The following DLG2 variants were observed in gnomAD, a reference collection of about 807,000 sequenced individuals.
DLG2 encodes the protein disks large homolog 2.
DLG2 carries 45 observed loss-of-function variants against 132.5 expected under a neutral mutation model. The ratio of observed to expected loss-of-function variants is 0.34; its 90% CI spans 0.27 to 0.44. The LOEUF (loss-of-function observed/expected upper bound fraction) is 0.44, where lower values mean the gene tolerates loss of function less well. Ranked by LOEUF, DLG2 falls within the 20% of genes least tolerant of loss-of-function variation. DLG2 has a pLI of 1.00. For missense variants in DLG2, 1,045 were observed against 1,196.9 expected (o/e 0.87, Z 1.87); for synonymous variants, 424 against 419.6 (o/e 1.01, Z -0.13).
intron 3 of DLG2, among the ~76,000 whole-genome samples, chr11:85,315,121 C>A (rs1228778697): frequency 6.6e-6 from 1 of 151,914 alleles, no homozygotes; most frequent in Admixed American, 6.6e-5. Flanking sequence ...AAATAAGATT[C>A]CAGCCTGGAA....
At chr11:84,899,650 AC>A (rs1273419953) in intron 6 of DLG2, among the ~76,000 whole-genome samples, 1 of 151,890 alleles carries the variant, frequency 6.6e-6, no homozygotes, top group Non-Finnish European at 1.5e-5. Flanking sequence ...AAATAAAGCT[AC>A]CCCATAATCT....
intron 6 of DLG2, among the ~76,000 whole-genome samples, chr11:84,554,674 A>G (rs2099408458): frequency 6.6e-6 from 1 of 152,072 alleles, no homozygotes; most frequent in Non-Finnish European, 1.5e-5. Flanking sequence ...TGAACACAGG[A>G]TGGGGAGGTT....
At chr11:84,207,551 T>C (rs971872186) in intron 8 of DLG2, among the ~76,000 whole-genome samples, 4 of 152,112 alleles carry the variant, frequency 2.6e-5, no homozygotes, top group Admixed American at 2.6e-4. Flanking sequence ...AAGAAACATC[T>C]TTTTGACCAA....
intron 19 of DLG2, among the ~76,000 whole-genome samples, chr11:83,574,186 AG>A (rs984816263): frequency 2.0e-5 from 3 of 152,138 alleles, no homozygotes; most frequent in African/African-American, 7.2e-5. Flanking sequence ...AGAAAGGTGG[AG>A]GGTCCCTTGA....
chr11:85,147,812 G>A (rs930527771), intron 5 of DLG2, among the ~76,000 whole-genome samples: 2 of 151,998 alleles, frequency 1.3e-5, no homozygotes, highest in African/African-American at 4.8e-5. Flanking sequence ...ATAGGTATAC[G>A]TGTGCCATGG....
chr11:85,475,912 G>A (rs979753766), intron 3 of DLG2, among the ~76,000 whole-genome samples: 1 of 152,048 alleles, frequency 6.6e-6, no homozygotes, highest in South Asian at 2.1e-4. Context: ...TTTTTAGGGG[G>A]AAATCTTAGC....
intron 16 of DLG2, among the ~76,000 whole-genome samples, chr11:83,856,168 CTTTTT>C (rs527723914): frequency 6.6e-6 from 1 of 151,956 alleles, no homozygotes; most frequent in Admixed American, 6.6e-5. Context: ...ACATAATCTC[CTTTTT>C]TTTATGTCTG....
chr11:84,516,995 A>T (rs1453971257), intron 7 of DLG2, among the ~76,000 whole-genome samples: 2 of 145,434 alleles, frequency 1.4e-5, no homozygotes, highest in Non-Finnish European at 3.0e-5. Context: ...GTATAAAAAA[A>T]AAAAGGATAA....
intron 6 of DLG2, among the ~76,000 whole-genome samples, chr11:84,714,691 C>G (rs1035461433): frequency 1.3e-5 from 2 of 148,812 alleles, no homozygotes; most frequent in Non-Finnish European, 3.0e-5. Flanking sequence ...CCGCCCCACC[C>G]AAGACTTTCC....
intron 6 of DLG2, among the ~76,000 whole-genome samples, chr11:84,902,787 G>A (rs2091048478): frequency 6.6e-6 from 1 of 152,116 alleles, no homozygotes; most frequent in African/African-American, 2.4e-5. Context: ...CTCCAGGTCT[G>A]TGCTGAAATT....
At chr11:83,892,070 T>C (rs2070075921) in intron 15 of DLG2, among the ~76,000 whole-genome samples, 1 of 152,178 alleles carries the variant, frequency 6.6e-6, no homozygotes, top group South Asian at 2.1e-4. Context: ...CCCTCTGCCC[T>C]ACTATTTATA....
At chr11:85,226,748 T>G (rs2075003806) in intron 4 of DLG2, among the ~76,000 whole-genome samples, 1 of 152,114 alleles carries the variant, frequency 6.6e-6, no homozygotes, top group South Asian at 2.1e-4. Context: ...AAGACAATGA[T>G]GTTATTCACC....
At chr11:84,075,849 A>G (rs1015251013) in intron 10 of DLG2, among the ~76,000 whole-genome samples, 3 of 152,176 alleles carry the variant, frequency 2.0e-5, no homozygotes, top group Non-Finnish European at 1.5e-5. Context: ...ACACATTTTG[A>G]GATTATTGGT....
chr11:85,033,135 G>A (rs2061162595), intron 6 of DLG2, among the ~76,000 whole-genome samples: 1 of 152,044 alleles, frequency 6.6e-6, no homozygotes, highest in African/African-American at 2.4e-5. Context: ...TTTGTCTGTG[G>A]TTCTGAACTG....
intron 17 of DLG2, among the ~76,000 whole-genome samples, chr11:83,827,051 G>T (rs1319106006): frequency 6.6e-6 from 1 of 152,034 alleles, no homozygotes; most frequent in Admixed American, 6.5e-5. Context: ...GGAAAGCAAG[G>T]TTCCTTCATG....
chr11:84,242,112 C>T (rs929587784), intron 8 of DLG2, among the ~76,000 whole-genome samples: 13 of 152,196 alleles, frequency 8.5e-5, no homozygotes, highest in Non-Finnish European at 1.9e-4. Flanking sequence ...GGGAACCCCT[C>T]TAAGAAAGAC....
intron 7 of DLG2, among the ~76,000 whole-genome samples, chr11:84,260,166 G>A (rs1335051128): frequency 6.6e-6 from 1 of 152,058 alleles, no homozygotes; most frequent in African/African-American, 2.4e-5. Context: ...CAGAAATGAT[G>A]GAGCAGCCTG....
intron 6 of DLG2, among the ~76,000 whole-genome samples, chr11:84,776,673 G>T (rs1050358088): frequency 2.0e-5 from 3 of 152,062 alleles, no homozygotes; most frequent in African/African-American, 7.2e-5. Flanking sequence ...ATAGTATTTT[G>T]AGTCTGGTTT....
At position 83,479,428 on chromosome 11, in the gene DLG2, C is replaced by G. The variant is rs1260295950; in HGVS notation, c.2293+4701G>C. Among the ~76,000 whole-genome samples, 5 of 152,064 alleles carry G rather than the reference C, an allele frequency of 3.3e-5. No homozygotes were observed. In the East Asian group the frequency reaches 9.7e-4, roughly 29 times the overall value. On this transcript the variant is annotated intron_variant, in intron 22 of 27. Coordinates refer to ENST00000376104, the MANE Select transcript of DLG2 (RefSeq NM_001142699.3). Reference sequence around the variant, plus strand: ...GTTTTCAATTAATACAATACTCATTCAAACAAAAGACAACACCAATTTCTG... The same window carrying G: ...GTTTTCAATTAATACAATACTCATTGAAACAAAAGACAACACCAATTTCTG...
Sources: allele counts gnomAD v4.1 joint callset (sites outside exome capture counted in the v4.1 genomes callset), GRCh38; gene constraint gnomAD v4.1.1; transcripts MANE v1.5; gene names NCBI Gene and HGNC (gene_info 2026-07-23, HGNC 2026-07-21).